Variants in DLGAP1 observed in about 807,000 individuals in gnomAD.
DLGAP1 encodes the protein DLG associated protein 1.
Under a neutral mutation model 90.8 loss-of-function variants are expected in DLGAP1, and 11 were observed. That is an observed-to-expected ratio of 0.12 (90% confidence interval 0.08 to 0.20). The LOEUF (loss-of-function observed/expected upper bound fraction) is 0.20. Among genes scored for constraint, DLGAP1 ranks in the 10% least tolerant of loss-of-function variants. The pLI, the probability that DLGAP1 is intolerant of heterozygous loss-of-function variation, is 1.00. For synonymous variants in DLGAP1, 558 were observed against 540.7 expected (o/e 1.03, Z -0.44); for missense variants, 1,050 against 1,333.8 (o/e 0.79, Z 3.31).
At chr18:3,707,284 C>T (rs576757486) in intron 7 of DLGAP1, among the ~76,000 whole-genome samples, 2 of 152,212 alleles carry the variant, frequency 1.3e-5, no homozygotes, top group East Asian at 3.9e-4. Flanking sequence ...ACTTCTCATG[C>T]TTTTGATGGA....
chr18:4,350,845 C>A, intron 1 of DLGAP1, among the ~76,000 whole-genome samples: 1 of 152,150 alleles, frequency 6.6e-6, no homozygotes, highest in Middle Eastern at 3.4e-3. Context: ...GATCTAATTA[C>A]CAAAACATTA....
chr18:4,222,288 T>C (rs1447211887), intron 1 of DLGAP1, among the ~76,000 whole-genome samples: 1 of 152,180 alleles, frequency 6.6e-6, no homozygotes, highest in Non-Finnish European at 1.5e-5. Flanking sequence ...CCATTTGCCC[T>C]AAACCATGCT....
intron 1 of DLGAP1, among the ~76,000 whole-genome samples, chr18:4,244,021 CT>C (rs544083035): frequency 6.6e-6 from 1 of 151,596 alleles, no homozygotes; most frequent in Non-Finnish European, 1.5e-5. Context: ...CTTTCTTGCT[CT>C]TTTTTTTTCT....
chr18:3,812,922 C>T (rs951785087), intron 5 of DLGAP1, among the ~76,000 whole-genome samples: 55 of 152,020 alleles, frequency 3.6e-4, no homozygotes, highest in African/African-American at 1.3e-3. Flanking sequence ...TTCATTTCAT[C>T]AAAATATGGA....
rs189964873 is a variant in DLGAP1 at position 3,557,438 on chromosome 18, C to T, written c.2057+10052G>A. 2.0e-5 allele frequency among the ~76,000 whole-genome samples: 3 copies of T among 152,270 alleles called. No homozygotes were observed. In the East Asian group the frequency reaches 5.8e-4, roughly 29 times the overall value. ...TCGGGAGACTGAGGCAGGAGAATCG[C>T]TTGAACTTGGGAGGCGGAGGTTGCA... On this transcript the variant is annotated intron_variant, in intron 9 of 12. Transcript: ENST00000315677.
rs1256878903 is a variant in DLGAP1, at chr18:3,499,060, C to T, written c.*125G>A. The T allele has an allele frequency of 3.4e-6, 3 of 875,984 alleles. No homozygotes were observed. The highest frequency in any genetic ancestry group is 5.9e-5 in the East Asian group (2 of 33,714). The allele number at this position is 875,984 out of a possible 1,614,324, so 54.3% of individuals were successfully genotyped here. A position where few individuals can be genotyped will look rare whatever the true frequency, so the allele number is the denominator to read the frequency against. On this transcript the variant is annotated 3_prime_UTR_variant, in exon 13 of 13. Coordinates refer to ENST00000315677, the MANE Select transcript of DLGAP1 (RefSeq NM_004746.4). This position sits in a 1 kb window ranked among gnomAD's most constrained non-coding sequence, Gnocchi z 6.4. Reference sequence around the variant, plus strand: ...GGCTCCTGCGAGGTGGACAACTACACCGCGACAGTGGAAGTCACCGAGCTC... The same window carrying T: ...GGCTCCTGCGAGGTGGACAACTACATCGCGACAGTGGAAGTCACCGAGCTC...
chr18:3,803,263 G>A (rs1411424977), intron 5 of DLGAP1, among the ~76,000 whole-genome samples: 1 of 152,144 alleles, frequency 6.6e-6, no homozygotes, highest in East Asian at 1.9e-4. Flanking sequence ...AGCACAGCCA[G>A]CTAGCTTCGT....
intron 7 of DLGAP1, among the ~76,000 whole-genome samples, chr18:3,666,741 A>C (rs1111431): frequency 0.42 from 63,073 of 151,930 alleles, 14,485 homozygotes; most frequent in East Asian, 0.77. Context: ...CAATTTAAAA[A>C]GTTTTTTTTT....
rs144673259 is a variant in DLGAP1 at position 3,823,306 on chromosome 18, G to T, written c.958-9033C>A. ...CCTGTGCATGAAATGCCAGGACAAA[G>T]ATACCTCCTCTCTCACTGAATATAT... is the stretch of plus-strand genomic sequence containing the variant. On this transcript the variant is annotated intron_variant, in intron 4 of 12. Coordinates refer to ENST00000315677, the MANE Select transcript of DLGAP1 (RefSeq NM_004746.4). Among the ~76,000 whole-genome samples, 226 of 152,288 alleles carry T rather than the reference G, an allele frequency of 1.5e-3. 1 individual carries two copies. The highest frequency in any genetic ancestry group is 5.2e-3 in the African/African-American group (216 of 41,562).
At chr18:3,575,247 G>A (rs879325010) in intron 8 of DLGAP1, among the ~76,000 whole-genome samples, 19 of 152,020 alleles carry the variant, frequency 1.2e-4, no homozygotes, top group Non-Finnish European at 7.4e-5. Flanking sequence ...ATATATATCT[G>A]TACACTTGGA....
chr18:3,812,326 C>T (rs924895142), intron 5 of DLGAP1, among the ~76,000 whole-genome samples: 2 of 151,966 alleles, frequency 1.3e-5, no homozygotes, highest in African/African-American at 4.8e-5. Context: ...TTCTGCTAGG[C>T]GCGCCAAAGT....
At chr18:4,034,933 T>C (rs1320078601) in intron 2 of DLGAP1, among the ~76,000 whole-genome samples, 1 of 152,186 alleles carries the variant, frequency 6.6e-6, no homozygotes, top group African/African-American at 2.4e-5. Flanking sequence ...AAAGTCTTCT[T>C]GTTCTGTCCT....
intron 3 of DLGAP1, among the ~76,000 whole-genome samples, chr18:3,972,733 A>T (rs2073480037): frequency 6.6e-6 from 1 of 152,148 alleles, no homozygotes; most frequent in South Asian, 2.1e-4. Context: ...CTCCTGTGAC[A>T]CCATCACAGC....
chr18:4,421,339 T>C (rs1294804847), intron 1 of DLGAP1, among the ~76,000 whole-genome samples: 1 of 152,136 alleles, frequency 6.6e-6, no homozygotes, highest in Non-Finnish European at 1.5e-5. Context: ...ACTCTAAGGA[T>C]ACATGCAATT....
chr18:3,708,874 G>C (rs1359163702), intron 7 of DLGAP1, among the ~76,000 whole-genome samples: 1 of 152,162 alleles, frequency 6.6e-6, no homozygotes, highest in Non-Finnish European at 1.5e-5. Context: ...AGGAAGAAGG[G>C]AGAGAGGACC....
chr18:3,770,617 C>A (rs2064484016), intron 5 of DLGAP1, among the ~76,000 whole-genome samples: 1 of 151,884 alleles, frequency 6.6e-6, no homozygotes, highest in Non-Finnish European at 1.5e-5. Flanking sequence ...ACTACTCATT[C>A]ATCTGAACAA....
chr18:3,632,505 G>T (rs533156452), intron 7 of DLGAP1, among the ~76,000 whole-genome samples: 1 of 152,188 alleles, frequency 6.6e-6, no homozygotes, highest in Non-Finnish European at 1.5e-5. Context: ...GTTTCACCAT[G>T]TTGGCCAGGC....
intron 1 of DLGAP1, among the ~76,000 whole-genome samples, chr18:4,429,700 C>G (rs2083239985): frequency 6.6e-6 from 1 of 151,984 alleles, no homozygotes; most frequent in East Asian, 1.9e-4. Flanking sequence ...CTTTGCATAG[C>G]CTGGCCTCTT....
At position 4,404,730 on chromosome 18, in the gene DLGAP1, TATA is replaced by T. The variant is rs200763098; in HGVS notation, c.-267+50273_-267+50275del. Among the ~76,000 whole-genome samples the T allele has an allele frequency of 7.6e-3, 1,152 of 152,268 alleles. 16 individuals are homozygous for T. The highest frequency in any genetic ancestry group is 0.026 in the African/African-American group (1,091 of 41,546). On this transcript the variant is annotated intron_variant, in intron 1 of 12. Transcript: ENST00000315677. The stretch of plus-strand genomic sequence containing the variant: ...AAGGAAATCCTATGAAATCAGAGAT[TATA>T]ATAATATGAGGAAAACGCATAAAGG...
Sources: allele counts gnomAD v4.1 joint callset (sites outside exome capture counted in the v4.1 genomes callset), GRCh38; gene constraint gnomAD v4.1.1; non-coding constraint Gnocchi (gnomAD v3.1); transcripts MANE v1.5; gene names NCBI Gene and HGNC (gene_info 2026-07-23, HGNC 2026-07-21).